ZC3H12C: variants seen among roughly 807,000 people sequenced by gnomAD.
ZC3H12C encodes the protein zinc finger CCCH-type containing 12C.
A neutral mutation model predicts 76.3 loss-of-function variants in ZC3H12C; 20 were observed. The ratio of observed to expected loss-of-function variants is 0.26; its 90% CI spans 0.18 to 0.38. ZC3H12C has a LOEUF of 0.38. ZC3H12C is among the 10% of genes least tolerant of loss of function. ZC3H12C has a pLI of 1.00. For missense variants in ZC3H12C, 874 were observed against 1,086.5 expected (o/e 0.80, Z 2.75); for synonymous variants, 352 against 399.6 (o/e 0.88, Z 1.42).
intron 4 of ZC3H12C, among the ~76,000 whole-genome samples, chr11:110,159,910 T>C (rs898504922): frequency 1.5e-4 from 23 of 152,252 alleles, no homozygotes; most frequent in Non-Finnish European, 4.4e-5. Flanking sequence ...TTCAGGCGAT[T>C]TCATTGTGGG....
intron 1 of ZC3H12C, chr11:110,131,139 G>A (rs1211431920): frequency 6.9e-7 from 1 of 1,455,668 alleles, no homozygotes. Flanking sequence ...TGCCTTGGAA[G>A]TTAAACTTTG....
intron 1 of ZC3H12C, among the ~76,000 whole-genome samples, chr11:110,098,488 C>T (rs993735958): frequency 3.3e-5 from 5 of 152,138 alleles, no homozygotes; most frequent in African/African-American, 1.2e-4. Flanking sequence ...ATGAAATCTA[C>T]AGTAATGTAC....
At chr11:110,129,008 G>A (rs569083041) in intron 1 of ZC3H12C, among the ~76,000 whole-genome samples, 9 of 151,752 alleles carry the variant, frequency 5.9e-5, no homozygotes, top group Non-Finnish European at 7.4e-5. Flanking sequence ...TGCAATAAGC[G>A]AGAATACTAG....
chr11:110,141,309 C>T (rs1369842869), intron 2 of ZC3H12C, among the ~76,000 whole-genome samples: 1 of 152,070 alleles, frequency 6.6e-6, no homozygotes, highest in Non-Finnish European at 1.5e-5. Flanking sequence ...ATGAACTAAG[C>T]CCATATATTT....
At chr11:110,127,479 GCTT>G (rs996874271) in intron 1 of ZC3H12C, among the ~76,000 whole-genome samples, 5 of 152,198 alleles carry the variant, frequency 3.3e-5, no homozygotes, top group African/African-American at 4.8e-5. Context: ...GGTGGTGGTT[GCTT>G]CTTTTTTTAA....
At chr11:110,157,604 T>C (rs1287924563) in intron 3 of ZC3H12C, among the ~76,000 whole-genome samples, 1 of 151,906 alleles carries the variant, frequency 6.6e-6, no homozygotes, top group Non-Finnish European at 1.5e-5. Flanking sequence ...CTCATCTAAT[T>C]ATTGTATTTT....
At position 110,168,749 on chromosome 11, in the gene ZC3H12C, C is replaced by T. The variant is rs557321373; in HGVS notation, c.*3012C>T. ...CCTCCTTTCTTGCATGGGATACAGA[C>T]GTTTTCAGTCTTGTTTTTATGATCT... On this transcript the variant is annotated 3_prime_UTR_variant, in exon 6 of 6. Transcript: ENST00000278590. 1.3e-5 allele frequency: 2 copies of T among 152,164 alleles called. No individual in the cohort carries two copies. The highest frequency in any genetic ancestry group is 1.3e-4 in the Admixed American group (2 of 15,272). 9.4% of individuals were successfully genotyped at this position (152,164 alleles called of 1,614,324 possible). A position where few individuals can be genotyped will look rare whatever the true frequency, so the allele number is the denominator to read the frequency against.
At chr11:110,111,966 C>T (rs1006821271) in intron 1 of ZC3H12C, among the ~76,000 whole-genome samples, 10 of 74,872 alleles carry the variant, frequency 1.3e-4, no homozygotes, top group Admixed American at 8.7e-4. Context: ...TGGTCATGCA[C>T]ACGTGCACAC....
chr11:110,099,756 G>C (rs1464369880), intron 1 of ZC3H12C, among the ~76,000 whole-genome samples: 1 of 150,706 alleles, frequency 6.6e-6, no homozygotes, highest in Non-Finnish European at 1.5e-5. Context: ...AGGTTGCAAT[G>C]AGCTGAGATT....
At chr11:110,132,301 G>C (rs1284890678) in intron 1 of ZC3H12C, among the ~76,000 whole-genome samples, 1 of 151,944 alleles carries the variant, frequency 6.6e-6, no homozygotes, top group Non-Finnish European at 1.5e-5. Context: ...CAGAAAATTT[G>C]GTCACTCGAT....
At chr11:110,115,059 T>C (rs545510805) in intron 1 of ZC3H12C, among the ~76,000 whole-genome samples, 21 of 152,276 alleles carry the variant, frequency 1.4e-4, no homozygotes, top group Admixed American at 5.2e-4. Context: ...ACCATCTATA[T>C]TGTTAAACTG....
intron 1 of ZC3H12C, among the ~76,000 whole-genome samples, chr11:110,111,466 A>G (rs1168032870): frequency 6.6e-6 from 1 of 151,864 alleles, no homozygotes; most frequent in Admixed American, 6.6e-5. Flanking sequence ...AAAAGTCAGT[A>G]ACTTATTTTA....
intron 1 of ZC3H12C, among the ~76,000 whole-genome samples, chr11:110,117,923 TAC>T (rs199717962): frequency 0.054 from 2,897 of 54,044 alleles, 577 homozygotes; most frequent in African/African-American, 0.14. Flanking sequence ...ATTATATATA[TAC>T]ACACACACAT....
intron 2 of ZC3H12C, among the ~76,000 whole-genome samples, chr11:110,143,753 C>T (rs748999032): frequency 7.9e-5 from 12 of 152,134 alleles, no homozygotes; most frequent in Admixed American, 2.0e-4. Context: ...AACTCCTGGG[C>T]TCAAGCAGTC....
chr11:110,149,460 C>T (rs1862230298), intron 2 of ZC3H12C, among the ~76,000 whole-genome samples: 1 of 152,158 alleles, frequency 6.6e-6, no homozygotes, highest in African/African-American at 2.4e-5. Context: ...ACGCCTTCCG[C>T]TTTATGGAAG....
intron 1 of ZC3H12C, among the ~76,000 whole-genome samples, chr11:110,125,887 A>G (rs1039442094): frequency 8.6e-6 from 1 of 116,134 alleles, no homozygotes; most frequent in African/African-American, 3.5e-5. Context: ...GTCAGAGAAC[A>G]TAGTGCTGAA....
chr11:110,126,650 A>G (rs1861754336), intron 1 of ZC3H12C, among the ~76,000 whole-genome samples: 1 of 152,210 alleles, frequency 6.6e-6, no homozygotes, highest in Non-Finnish European at 1.5e-5. Flanking sequence ...TGTTAACAGT[A>G]AGAAATGGCA....
chr11:110,095,077 T>C (rs1338402020), intron 1 of ZC3H12C, among the ~76,000 whole-genome samples: 1 of 152,236 alleles, frequency 6.6e-6, no homozygotes, highest in East Asian at 1.9e-4. Context: ...TGGGAAATAT[T>C]AAAGGATAGG....
In ZC3H12C at chr11:110,165,589, A is replaced by G; in HGVS notation, c.2504A>G (p.Gln835Arg). 2 of 1,609,498 alleles carry G rather than the reference A, an allele frequency of 1.2e-6. No individual in the cohort carries two copies. The highest frequency in any genetic ancestry group is 1.1e-5 in the South Asian group (1 of 90,136). The change falls in exon 6 of 6, where the codon CAA becomes CGA. Residue 835 changes from glutamine (Q) to arginine (R), a missense_variant. This residue lies in a region of ZC3H12C where 395 missense variants were observed against 434.4 expected (regional missense o/e 0.91). Coordinates refer to ENST00000278590, the MANE Select transcript of ZC3H12C (RefSeq NM_033390.2). ...ATGCCGCAAGATCCCCCGAGGTATC[A>G]AGACAACCGAGAAAAGATTTATATC... is the stretch of plus-strand genomic sequence containing the variant. ...CGMPQDPPRY[Q>R]DNREKIYINL...
Sources: allele counts gnomAD v4.1 joint callset (sites outside exome capture counted in the v4.1 genomes callset), GRCh38; gene constraint gnomAD v4.1.1; regional missense constraint gnomAD v4.1.1; transcripts MANE v1.5; gene names NCBI Gene and HGNC (gene_info 2026-07-23, HGNC 2026-07-21).